The following CLPTM1 variants were observed in gnomAD, a reference collection of about 807,000 sequenced individuals.
CLPTM1 encodes putative lipid scramblase CLPTM1.
In CLPTM1, 21 loss-of-function variants were observed where a neutral mutation model predicts 77.3. The ratio of observed to expected loss-of-function variants is 0.27; its 90% CI spans 0.19 to 0.39. The LOEUF (loss-of-function observed/expected upper bound fraction) is 0.39, where lower values mean the gene tolerates loss of function less well. Ranked by LOEUF, CLPTM1 falls within the 10% of genes least tolerant of loss-of-function variation. CLPTM1 has a pLI of 1.00. For synonymous variants in CLPTM1, 373 were observed against 381.0 expected (o/e 0.98, Z 0.24); for missense variants, 642 against 921.2 (o/e 0.70, Z 3.92).
At chr19:44,979,014 T>C (rs1384397250) in intron 5 of CLPTM1, among the ~76,000 whole-genome samples, 1 of 148,614 alleles carries the variant, frequency 6.7e-6, no homozygotes, top group Non-Finnish European at 1.5e-5. Context: ...AGGGTCTCAC[T>C]ATGTCGCCCA....
intron 2 of CLPTM1, among the ~76,000 whole-genome samples, chr19:44,966,643 GCCTCATTTT>G (rs1384707306): frequency 8.2e-6 from 1 of 121,770 alleles, no homozygotes; most frequent in Non-Finnish European, 1.7e-5. Context: ...CCCTTCTTGA[GCCTCATTTT>G]CCACCTCACA....
intron 2 of CLPTM1, among the ~76,000 whole-genome samples, chr19:44,968,182 C>T (rs1970664046): frequency 1.3e-5 from 2 of 152,204 alleles, no homozygotes; most frequent in African/African-American, 4.8e-5. Flanking sequence ...CAGCATCAAA[C>T]ATCAGTTCGG....
intron 2 of CLPTM1, among the ~76,000 whole-genome samples, chr19:44,964,851 C>T (rs1284938306): frequency 1.3e-5 from 2 of 152,152 alleles, no homozygotes; most frequent in Admixed American, 6.6e-5. Context: ...ATTTGTCCTT[C>T]TGTGACTGCC....
intron 1 of CLPTM1, 125 bp downstream of exon 1, chr19:44,955,592 T>A: frequency 2.3e-6 from 2 of 872,626 alleles, no homozygotes; most frequent in East Asian, 3.9e-5. Context: ...GGACCTTGAA[T>A]ACCCGGCCCA....
chr19:44,961,435 G>A (rs1970541309), intron 1 of CLPTM1, among the ~76,000 whole-genome samples: 1 of 152,158 alleles, frequency 6.6e-6, no homozygotes, highest in Non-Finnish European at 1.5e-5. Context: ...GTCCCCAATA[G>A]CCACCTCCTT....
chr19:44,977,085 G>A (rs550723832), intron 4 of CLPTM1, among the ~76,000 whole-genome samples: 9 of 152,174 alleles, frequency 5.9e-5, no homozygotes, highest in South Asian at 2.1e-4. Flanking sequence ...TGGGAACTTC[G>A]CATCCTCTAG....
At chr19:44,956,659 T>C (rs1970468531) in intron 1 of CLPTM1, among the ~76,000 whole-genome samples, 1 of 152,166 alleles carries the variant, frequency 6.6e-6, no homozygotes, top group Non-Finnish European at 1.5e-5. Context: ...GGTTTCCCAG[T>C]CTTGCTGAAA....
intron 2 of CLPTM1, among the ~76,000 whole-genome samples, chr19:44,963,865 G>C (rs111385178): frequency 6.6e-6 from 1 of 151,796 alleles, no homozygotes. Context: ...CAATCTGCCC[G>C]CCTTGGCCTC....
intron 9 of CLPTM1, among the ~76,000 whole-genome samples, chr19:44,988,778 C>A (rs890677759): frequency 6.6e-6 from 1 of 152,238 alleles, no homozygotes; most frequent in Non-Finnish European, 1.5e-5. Context: ...CTTCTAGGCC[C>A]TGCAGGCCAC....
At chr19:44,980,705 C>T (rs1970881856) in intron 5 of CLPTM1, among the ~76,000 whole-genome samples, 1 of 151,810 alleles carries the variant, frequency 6.6e-6, no homozygotes, top group East Asian at 1.9e-4. Context: ...GTAGTCCCAG[C>T]ACTTTGGGAG....
chr19:44,984,026 C>A (rs1330751115), intron 5 of CLPTM1, among the ~76,000 whole-genome samples: 1 of 152,242 alleles, frequency 6.6e-6, no homozygotes, highest in Non-Finnish European at 1.5e-5. Context: ...TGGGCACGCA[C>A]AAGCCCCTTC....
chr19:44,969,812 C>T (rs563972418), intron 2 of CLPTM1, among the ~76,000 whole-genome samples: 61 of 151,908 alleles, frequency 4.0e-4, no homozygotes, highest in African/African-American at 1.1e-3. Context: ...CTCCGCCTAC[C>T]AAGTAGCTGG....
chr19:44,990,416 G>A lies in CLPTM1; in HGVS notation c.1154G>A (p.Arg385Gln), dbSNP rs1191545366. ...FKNDIQFWNS[R>Q]QSLEGLSVRS... Reference sequence around the variant, plus strand: ...ACAGATATCCAGTTCTGGAACAGCCGGCAGTCCCTGGAGGGCCTGTCCGTG... The same window carrying A: ...ACAGATATCCAGTTCTGGAACAGCCAGCAGTCCCTGGAGGGCCTGTCCGTG... The change falls in exon 10 of 14, where the codon CGG becomes CAG. Residue 385 changes from arginine (R) to glutamine (Q), a missense_variant. This residue lies in a region of CLPTM1 where 521 missense variants were observed against 800.4 expected (regional missense o/e 0.65). Transcript: ENST00000337392. This position sits in a 1 kb window ranked among gnomAD's most constrained non-coding sequence, Gnocchi z 4.8. 6 of 1,613,864 alleles carry A rather than the reference G, an allele frequency of 3.7e-6. No individual in the cohort carries two copies. The highest frequency in any genetic ancestry group is 1.7e-5 in the Admixed American group (1 of 59,978).
intron 1 of CLPTM1, 113 bp downstream of exon 1, chr19:44,955,580 AGG>A: frequency 2.2e-6 from 2 of 927,976 alleles, no homozygotes; most frequent in Non-Finnish European, 2.7e-6. Flanking sequence ...CCTTGGCCAG[AGG>A]GACCTTGAAT....
intron 3 of CLPTM1, among the ~76,000 whole-genome samples, chr19:44,973,781 T>TTTTTTA (rs1970762069): frequency 6.8e-6 from 1 of 147,790 alleles, no homozygotes; most frequent in African/African-American, 2.6e-5. Context: ...TTTTTTTTTT[T>TTTTTTA]GAGATGGAGT....
intron 4 of CLPTM1, among the ~76,000 whole-genome samples, chr19:44,976,261 A>C (rs1171611145): frequency 6.6e-6 from 1 of 152,124 alleles, no homozygotes; most frequent in Admixed American, 6.6e-5. Flanking sequence ...CAGGCCCAGC[A>C]GGGGGATCTG....
At chr19:44,986,791 G>A (rs570705116) in intron 7 of CLPTM1, 21 of 578,896 alleles carry the variant, frequency 3.6e-5, no homozygotes, top group African/African-American at 2.4e-4. Flanking sequence ...CGCCAGCATC[G>A]GTCCGCAATC....
At chr19:44,987,942 A>G in intron 8 of CLPTM1, 138 bp from the exon 9 acceptor site, 2 of 705,666 alleles carry the variant, frequency 2.8e-6, no homozygotes, top group South Asian at 1.6e-5. Context: ...CCATCTGCCC[A>G]TCTCTGACCC....
At position 44,962,041 on chromosome 19, in the gene CLPTM1, A is replaced by T. The variant is rs1970552456; in HGVS notation, c.151A>T (p.Asn51Tyr). The change falls in exon 2 of 14, where the codon AAT (asparagine) becomes TAT (tyrosine). Residue 51 changes from asparagine (N) to tyrosine (Y), a missense_variant. Asn to Tyr is a moderately radical substitution (Grantham distance 143). Transcript: ENST00000337392. ...PQNPPAQPAP[N>Y]AWQVIKGVLF... ...GAACCCACCGGCCCAGCCGGCACCC[A>T]ATGCCTGGCAGGTCATCAAAGGTGT... The T allele has an allele frequency of 6.2e-7, 1 of 1,611,544 alleles. No homozygotes were observed. Among genetic ancestry groups the T allele is most frequent in the Non-Finnish European group, 8.5e-7 (1 of 1,179,214 alleles).
Sources: gnomAD v4.1 joint callset for allele counts (sites outside exome capture counted in the v4.1 genomes callset) on GRCh38, gnomAD v4.1.1 for gene constraint, gnomAD v4.1.1 regional missense constraint, Gnocchi (gnomAD v3.1) non-coding constraint, MANE v1.5 for transcripts, NCBI Gene and HGNC (gene_info 2026-07-23, HGNC 2026-07-21) for gene names.